PRAF2: variants seen among roughly 807,000 people sequenced by gnomAD.
The protein encoded by PRAF2 is PRA1 domain family member 2.
A neutral mutation model predicts 9.7 loss-of-function variants in PRAF2; 5 were observed. The observed-to-expected ratio is 0.51, with a 90% CI of 0.27 to 1.08. The LOEUF (loss-of-function observed/expected upper bound fraction) is 1.08. PRAF2 is among the 50% of genes least tolerant of loss of function. The pLI is 0.12. For synonymous variants in PRAF2, 61 were observed against 76.6 expected (o/e 0.80, Z 1.06); for missense variants, 135 against 160.7 (o/e 0.84, Z 0.86).
chrX:49,073,763 C>A (rs1557083537), intron 1 of PRAF2, 46 bp downstream of exon 1: 50 of 1,197,589 alleles, frequency 4.2e-5, no homozygotes, highest in Non-Finnish European at 5.5e-5. Context: ...GGTCTACCCC[C>A]ACGCTCTGCA....
chrX:49,071,597 G>C lies in PRAF2; in HGVS notation c.*272C>G, dbSNP rs2065010958. 2 of 146,244 alleles carry C rather than the reference G, an allele frequency of 1.4e-5. No individual in the cohort carries two copies. The highest frequency in any genetic ancestry group is 2.0e-4 in the East Asian group (2 of 9,875). The allele number at this position is 146,244 out of a possible 1,213,427, so 12.1% of individuals were successfully genotyped here. A position where few individuals can be genotyped will look rare whatever the true frequency, so the allele number is the denominator to read the frequency against. ...ATTTGAAATTGGCCATGGATGCTCT[G>C]GCCTGAAGCCAGTTTTGGGGCTGGA... On this transcript the variant is annotated 3_prime_UTR_variant, in exon 3 of 3. Coordinates refer to ENST00000553851, the MANE Select transcript of PRAF2 (RefSeq NM_007213.3).
In PRAF2 at chrX:49,073,912, C is replaced by T; in HGVS notation, c.76G>A (p.Asp26Asn). 1 of 1,211,810 alleles carries T rather than the reference C, an allele frequency of 8.3e-7. No homozygotes were observed. ...VLGSARLAAPDPCDPQRWCHR... is the reference protein window; with the variant it reads ...VLGSARLAAPNPCDPQRWCHR... Reference sequence around the variant, plus strand: ...CACCATCGCTGCGGGTCGCATGGATCCGGAGCCGCCAGACGCGCCGACCCC... The same window carrying T: ...CACCATCGCTGCGGGTCGCATGGATTCGGAGCCGCCAGACGCGCCGACCCC... Residue 26 changes from aspartate to asparagine, a missense_variant, in exon 1 of 3, where the codon GAT (aspartate) becomes AAT (asparagine). Coordinates refer to ENST00000553851, the MANE Select transcript of PRAF2 (RefSeq NM_007213.3).
Position 49,071,431 on chromosome X carries a change from A to G in PRAF2, c.*438T>C, listed in dbSNP as rs1417790852. On this transcript the variant is annotated 3_prime_UTR_variant, in exon 3 of 3. Transcript: ENST00000553851. ...TGGGTTCTGAGTTCAAGATTTGGCAATGTCTTGACCTGGGTTGGAAGGTAG... is the reference window on the plus strand; with the variant it reads ...TGGGTTCTGAGTTCAAGATTTGGCAGTGTCTTGACCTGGGTTGGAAGGTAG... 2 of 114,195 alleles carry G rather than the reference A, an allele frequency of 1.8e-5. No individual in the cohort carries two copies. The highest frequency in any genetic ancestry group is 3.7e-5 in the Non-Finnish European group (2 of 54,686). 9.4% of individuals were successfully genotyped at this position (114,195 alleles called of 1,213,427 possible). A position where few individuals can be genotyped will look rare whatever the true frequency, so the allele number is the denominator to read the frequency against.
At position 49,071,441 on chromosome X, in the gene PRAF2, C is replaced by T. The variant is rs1373225290; in HGVS notation, c.*428G>A. 8.7e-6 allele frequency: 1 copy of T among 115,359 alleles called. No individual in the cohort carries two copies. The highest frequency in any genetic ancestry group is 1.8e-5 in the Non-Finnish European group (1 of 55,622). The allele number at this position is 115,359 out of a possible 1,213,427, so 9.5% of individuals were successfully genotyped here. A position where few individuals can be genotyped will look rare whatever the true frequency, so the allele number is the denominator to read the frequency against. On this transcript the variant is annotated 3_prime_UTR_variant, in exon 3 of 3. Coordinates refer to ENST00000553851, the MANE Select transcript of PRAF2 (RefSeq NM_007213.3). ...GTTCAAGATTTGGCAATGTCTTGAC[C>T]TGGGTTGGAAGGTAGGGTGGGGTCT...
Position 49,071,870 on chromosome X carries a change from T to C in PRAF2, c.536A>G (p.Ter179TrpextTer29), listed in dbSNP as rs782336576. Residue 179 changes from the stop codon to tryptophan (W), a stop_lost, in exon 3 of 3, where the codon TAG becomes TGG. Coordinates refer to ENST00000553851, the MANE Select transcript of PRAF2 (RefSeq NM_007213.3). ...GTCCTGGGTACAGATCCCAGGGGCCTAGGATCCAGCCTCCTGCTCTTGTCC... is the reference window on the plus strand; with the variant it reads ...GTCCTGGGTACAGATCCCAGGGGCCCAGGATCCAGCCTCCTGCTCTTGTCC... ...ALGQEQEAGS* is the reference protein window; with the variant it reads ...ALGQEQEAGSW 2 of 1,207,570 alleles carry C rather than the reference T, an allele frequency of 1.7e-6. No individual in the cohort carries two copies. Among genetic ancestry groups the C allele is most frequent in the Non-Finnish European group, 1.1e-6 (1 of 893,719 alleles).
chrX:49,073,729 C>T (rs2065019758), intron 1 of PRAF2, 80 bp downstream of exon 1: 2 of 1,126,801 alleles, frequency 1.8e-6, no homozygotes, highest in African/African-American at 1.8e-5. Flanking sequence ...TCAGGTTCCC[C>T]GTCCTGGTCC....
intron 2 of PRAF2, 182 bp downstream of exon 2, chrX:49,072,251 C>G: frequency 1.6e-6 from 1 of 609,728 alleles, no homozygotes; most frequent in South Asian, 2.9e-5. Context: ...ATAGGAAAGG[C>G]GATAATAAAA....
intron 1 of PRAF2, 129 bp downstream of exon 1, chrX:49,073,680 A>G: frequency 1.2e-6 from 1 of 864,951 alleles, no homozygotes; most frequent in Admixed American, 3.3e-5. Context: ...CAGGCCGTCC[A>G]TCTCTACTGA....
intron 1 of PRAF2, 117 bp downstream of exon 1, chrX:49,073,692 T>A (rs1276345316): frequency 1.4e-4 from 131 of 951,343 alleles, no homozygotes; most frequent in Non-Finnish European, 1.8e-4. Flanking sequence ...CTCTACTGAC[T>A]TCGCCCTTCC....
At chrX:49,072,796 G>A in intron 1 of PRAF2, 146 bp from the exon 2 acceptor site, 1 of 559,175 alleles carries the variant, frequency 1.8e-6, no homozygotes, top group South Asian at 3.0e-5. Context: ...TCTCCAGCAG[G>A]CCCATCTGCC....
Position 49,072,343 on chromosome X carries a change from CCT to C in PRAF2, c.397+88_397+89del, listed in dbSNP as rs782076647. ...GCGAGGCCCTCGGGTTTCCCAGCCCCCTCTCAACCCGGGGACCGGCAGGGCTG... is the reference window on the plus strand; with the variant it reads ...GCGAGGCCCTCGGGTTTCCCAGCCCCCTCAACCCGGGGACCGGCAGGGCTG... On this transcript the variant is annotated intron_variant, in intron 2 of 2. Coordinates refer to ENST00000553851, the MANE Select transcript of PRAF2 (RefSeq NM_007213.3). 3.9e-5 allele frequency: 41 copies of C among 1,063,825 alleles called. No individual in the cohort carries two copies. In the Admixed American group the frequency reaches 8.1e-4, roughly 21 times the overall value. 87.7% of individuals were successfully genotyped at this position (1,063,825 alleles called of 1,213,427 possible). A position where few individuals can be genotyped will look rare whatever the true frequency, so the allele number is the denominator to read the frequency against.
intron 1 of PRAF2, among the ~76,000 whole-genome samples, chrX:49,072,920 C>G (rs1248330775): frequency 9.0e-6 from 1 of 110,921 alleles, no homozygotes; most frequent in East Asian, 2.8e-4. Flanking sequence ...ACTCCCCACA[C>G]CCCCGGGCTC....
chrX:49,072,561 G>C lies in PRAF2; in HGVS notation c.269C>G (p.Ala90Gly). 1 of 1,166,076 alleles carries C rather than the reference G, an allele frequency of 8.6e-7. No homozygotes were observed. The highest frequency in any genetic ancestry group is 1.1e-6 in the Non-Finnish European group (1 of 872,825). ...VLVWAAETRA[A>G]VRRCRRSHPA... ...GTGGCTGCGGCGGCAGCGGCGCACA[G>C]CTGCGCGGGTCTCAGCTGCCCACAC... The change falls in exon 2 of 3, where the codon GCT becomes GGT. Residue 90 changes from alanine to glycine, a missense_variant. Ala to Gly is a moderately conservative substitution (Grantham distance 60, BLOSUM62 0). Coordinates refer to ENST00000553851, the MANE Select transcript of PRAF2 (RefSeq NM_007213.3).
At chrX:49,072,690 G>C (rs1557083359) in intron 1 of PRAF2, 40 bp from the exon 2 acceptor site, 1 of 1,136,442 alleles carries the variant, frequency 8.8e-7, no homozygotes, top group Admixed American at 2.6e-5. Flanking sequence ...GCCGGGCGGA[G>C]AGACGGCCTC....
In PRAF2 at chrX:49,071,656, G is replaced by A. The variant is rs1208976632; in HGVS notation, c.*213C>T. On this transcript the variant is annotated 3_prime_UTR_variant, in exon 3 of 3. Coordinates refer to ENST00000553851, the MANE Select transcript of PRAF2 (RefSeq NM_007213.3). ...GCTCTTGGTCCTGGGTTCAAGGCTG[G>A]GGAAGACTCTTGTCCCTAGGTAATG... is the stretch of plus-strand genomic sequence containing the variant. 2 of 363,275 alleles carry A rather than the reference G, an allele frequency of 5.5e-6. No individual in the cohort carries two copies. The highest frequency in any genetic ancestry group is 9.8e-5 in the East Asian group (2 of 20,441). 29.9% of individuals were successfully genotyped at this position (363,275 alleles called of 1,213,427 possible).
chrX:49,072,553 G>C lies in PRAF2; in HGVS notation c.277C>G (p.Arg93Gly). 1 of 1,166,994 alleles carries C rather than the reference G, an allele frequency of 8.6e-7. No individual in the cohort carries two copies. The highest frequency in any genetic ancestry group is 1.8e-5 in the African/African-American group (1 of 56,602). ...WAAETRAAVRRCRRSHPAACL... is the reference protein window; with the variant it reads ...WAAETRAAVRGCRRSHPAACL... ...GCTGCAGGGTGGCTGCGGCGGCAGC[G>C]GCGCACAGCTGCGCGGGTCTCAGCT... The change falls in exon 2 of 3, where the codon CGC becomes GGC. Residue 93 changes from arginine to glycine, a missense_variant. Coordinates refer to ENST00000553851, the MANE Select transcript of PRAF2 (RefSeq NM_007213.3).
chrX:49,072,028 G>C lies in PRAF2; in HGVS notation c.398-20C>G. On this transcript the variant is annotated intron_variant, in intron 2 of 2. Transcript: ENST00000553851. ...GGATCACTGTGGGCGGCACCGAGAG[G>C]GGTGGTCAGTGGAATAGACCTCAGC... The C allele has an allele frequency of 8.3e-7, 1 of 1,198,148 alleles. No individual in the cohort carries two copies. Among genetic ancestry groups the C allele is most frequent in the Non-Finnish European group, 1.1e-6 (1 of 890,828 alleles).
Position 49,072,717 on chromosome X carries a change from C to T in PRAF2, c.180-67G>A, listed in dbSNP as rs2065015937. On this transcript the variant is annotated intron_variant, in intron 1 of 2. Transcript: ENST00000553851. ...GACGGCCTCCGGACCACCACCCACC[C>T]TGGGCCCCAAGAGCCAGGGTCTCCC... The T allele has an allele frequency of 5.7e-6, 6 of 1,054,199 alleles. No homozygotes were observed. In the Admixed American group the frequency reaches 1.6e-4, roughly 28 times the overall value. The allele number at this position is 1,054,199 out of a possible 1,213,427, so 86.9% of individuals were successfully genotyped here.
At chrX:49,072,287 A>G in intron 2 of PRAF2, 146 bp downstream of exon 2, 2 of 729,613 alleles carry the variant, frequency 2.7e-6, no homozygotes, top group Non-Finnish European at 4.0e-6. Flanking sequence ...GGGGGAACGA[A>G]GCCCGGGAAG....
Sources: gnomAD v4.1 joint callset for allele counts (sites outside exome capture counted in the v4.1 genomes callset) on GRCh38, gnomAD v4.1.1 for gene constraint, MANE v1.5 for transcripts, NCBI Gene and HGNC (gene_info 2026-07-23, HGNC 2026-07-21) for gene names.